The following SHQ1 variants were observed in gnomAD, a reference collection of about 807,000 sequenced individuals.
SHQ1 encodes SHQ1, H/ACA ribonucleoprotein assembly factor.
In SHQ1, 49 loss-of-function variants were observed where a neutral mutation model predicts 53.8. The ratio of observed to expected loss-of-function variants is 0.91; its 90% CI spans 0.72 to 1.16. SHQ1 has a LOEUF of 1.16. SHQ1 is among the 50% of genes most tolerant of loss of function. The pLI, the probability that SHQ1 is intolerant of heterozygous loss-of-function variation, is 0.00. For synonymous variants in SHQ1, 243 were observed against 251.0 expected (o/e 0.97, Z 0.30); for missense variants, 738 against 683.1 (o/e 1.08, Z -0.90).
intron 10 of SHQ1, chr3:72,753,266 G>A: frequency 7.1e-6 from 7 of 985,434 alleles, no homozygotes; most frequent in Non-Finnish European, 8.4e-6. Flanking sequence ...CAAACTGGAT[G>A]ACGGTGAGTT....
chr3:72,782,373 G>T (rs1706096173), intron 10 of SHQ1, among the ~76,000 whole-genome samples: 1 of 152,052 alleles, frequency 6.6e-6, no homozygotes, highest in Admixed American at 6.6e-5. Flanking sequence ...AATAATCAAT[G>T]AAAAAAACTG....
chr3:72,836,223 C>T (rs1707987714), intron 4 of SHQ1, among the ~76,000 whole-genome samples: 1 of 152,222 alleles, frequency 6.6e-6, no homozygotes, highest in South Asian at 2.1e-4. Context: ...GGCATTGTGG[C>T]TCACGCCTGT....
the SHQ1 span, among the ~76,000 whole-genome samples, chr3:72,734,810 T>C: frequency 6.6e-6 from 1 of 151,710 alleles, no homozygotes; most frequent in African/African-American, 2.4e-5. Flanking sequence ...ATCGTCGCAC[T>C]ATTGCATTTT....
chr3:72,788,059 C>G (rs994908947), intron 10 of SHQ1, among the ~76,000 whole-genome samples: 1 of 152,146 alleles, frequency 6.6e-6, no homozygotes, highest in African/African-American at 2.4e-5. Context: ...GATCTCGGCT[C>G]GCTACAACCT....
At chr3:72,743,174 C>T in the SHQ1 span, among the ~76,000 whole-genome samples, 1 of 152,164 alleles carries the variant, frequency 6.6e-6, no homozygotes, top group Non-Finnish European at 1.5e-5. Flanking sequence ...GAAATCAATA[C>T]AGAACTCTGG....
At chr3:72,809,032 G>C (rs556925985) in intron 9 of SHQ1, among the ~76,000 whole-genome samples, 2 of 151,748 alleles carry the variant, frequency 1.3e-5, no homozygotes, top group East Asian at 3.9e-4. Flanking sequence ...GAGAAAGGGG[G>C]TTTTAAGAGG....
chr3:72,844,495 A>C (rs538351564), intron 1 of SHQ1, 72 bp from the exon 2 acceptor site: 386 of 1,109,428 alleles, frequency 3.5e-4, no homozygotes, highest in Middle Eastern at 2.0e-3. Context: ...AATACTTGCA[A>C]ACATTTAACC....
intron 4 of SHQ1, among the ~76,000 whole-genome samples, chr3:72,836,444 A>C (rs1265148171): frequency 1.3e-5 from 2 of 151,974 alleles, no homozygotes; most frequent in African/African-American, 4.8e-5. Context: ...AGCTGAGATC[A>C]CGCCACTGCA....
chr3:72,746,352 C>T (rs2106690816), downstream of SHQ1, among the ~76,000 whole-genome samples: 1 of 152,182 alleles, frequency 6.6e-6, no homozygotes, highest in South Asian at 2.1e-4. Flanking sequence ...TTTGGGAAAC[C>T]CATATGGTTA....
At chr3:72,843,533 A>C (rs1164460482) in intron 2 of SHQ1, among the ~76,000 whole-genome samples, 1 of 152,212 alleles carries the variant, frequency 6.6e-6, no homozygotes, top group Non-Finnish European at 1.5e-5. Flanking sequence ...TACTGAACTG[A>C]ATTCCAACAT....
At chr3:72,769,876 C>T (rs1462757033) in intron 10 of SHQ1, among the ~76,000 whole-genome samples, 1 of 152,184 alleles carries the variant, frequency 6.6e-6, no homozygotes, top group Admixed American at 6.5e-5. Flanking sequence ...GTTAAGAGCT[C>T]AGGCTCTGAA....
At chr3:72,796,582 A>G (rs1194263107) in intron 9 of SHQ1, among the ~76,000 whole-genome samples, 2 of 152,192 alleles carry the variant, frequency 1.3e-5, no homozygotes, top group African/African-American at 4.8e-5. Flanking sequence ...GCACTTTGGA[A>G]AGCCGAGGTG....
chr3:72,808,638 G>A (rs147575514), intron 9 of SHQ1, among the ~76,000 whole-genome samples: 2 of 152,170 alleles, frequency 1.3e-5, no homozygotes, highest in African/African-American at 4.8e-5. Context: ...ACACGCAGCT[G>A]TGGTTATTAT....
At chr3:72,776,465 G>GT (rs1705960024) in intron 10 of SHQ1, among the ~76,000 whole-genome samples, 1 of 152,154 alleles carries the variant, frequency 6.6e-6, no homozygotes, top group East Asian at 1.9e-4. Flanking sequence ...CTAGGTTTGT[G>GT]TAAGTGCAAT....
intron 10 of SHQ1, chr3:72,753,314 C>A: frequency 1.0e-6 from 1 of 985,362 alleles, no homozygotes; most frequent in South Asian, 4.7e-5. Flanking sequence ...TAGTCCATCC[C>A]ATAATATCAG....
At chr3:72,840,704 G>A (rs1708154963) in intron 4 of SHQ1, among the ~76,000 whole-genome samples, 1 of 152,140 alleles carries the variant, frequency 6.6e-6, no homozygotes, top group South Asian at 2.1e-4. Flanking sequence ...CATGCCGTAA[G>A]TACATGATCT....
At chr3:72,792,816 A>AAATTAAAC in intron 10 of SHQ1, 100 bp downstream of exon 10, 1 of 819,210 alleles carries the variant, frequency 1.2e-6, no homozygotes, top group Non-Finnish European at 1.9e-6. Flanking sequence ...AAAAAACACA[A>AAATTAAAC]CTTACTCCTC....
chr3:72,742,627 T>C, the SHQ1 span, among the ~76,000 whole-genome samples: 2 of 148,464 alleles, frequency 1.3e-5, no homozygotes, highest in African/African-American at 5.0e-5. Context: ...TTCTTTTTTT[T>C]TTTTTTTGAG....
At chr3:72,836,215 C>A (rs777445547) in intron 4 of SHQ1, among the ~76,000 whole-genome samples, 1 of 152,168 alleles carries the variant, frequency 6.6e-6, no homozygotes, top group Non-Finnish European at 1.5e-5. Flanking sequence ...CTTGGACAGG[C>A]ATTGTGGCTC....
Sources: gnomAD v4.1 joint callset for allele counts (sites outside exome capture counted in the v4.1 genomes callset) on GRCh38, gnomAD v4.1.1 for gene constraint, MANE v1.5 for transcripts, NCBI Gene and HGNC (gene_info 2026-07-23, HGNC 2026-07-21) for gene names.